FGF12: variants seen among roughly 807,000 people sequenced by gnomAD.
FGF12 encodes the protein fibroblast growth factor 12, also known as fibroblast growth factor 12B.
A neutral mutation model predicts 23.6 loss-of-function variants in FGF12; 14 were observed. The ratio of observed to expected loss-of-function variants is 0.59; its 90% CI spans 0.39 to 0.93. The LOEUF (loss-of-function observed/expected upper bound fraction) is 0.93, where lower values mean the gene tolerates loss of function less well. Among genes scored for constraint, FGF12 ranks in the 40% least tolerant of loss-of-function variants. The pLI is 0.00. For missense variants in FGF12, 175 were observed against 217.8 expected (o/e 0.80, Z 1.24); for synonymous variants, 62 against 77.3 (o/e 0.80, Z 1.04).
intron 4 of FGF12, among the ~76,000 whole-genome samples, chr3:192,299,852 A>C (rs970369297): frequency 2.8e-4 from 43 of 152,176 alleles, no homozygotes; most frequent in African/African-American, 1.0e-3. Flanking sequence ...CATTGAACTC[A>C]AGTCTTCCCG....
chr3:192,690,731 T>C (rs933410424), intron 2 of FGF12, among the ~76,000 whole-genome samples: 7 of 151,994 alleles, frequency 4.6e-5, no homozygotes, highest in African/African-American at 1.2e-4. Flanking sequence ...GTAAGTGGAC[T>C]ACATTTGTCA....
chr3:192,673,011 G>A (rs1717186817), intron 2 of FGF12: 1 of 151,204 alleles, frequency 6.6e-6, no homozygotes, highest in East Asian at 1.9e-4. Flanking sequence ...ATCACTTCAA[G>A]TTGGAGGCTT....
At chr3:192,348,649 G>A (rs1480053549) in intron 3 of FGF12, among the ~76,000 whole-genome samples, 1 of 152,028 alleles carries the variant, frequency 6.6e-6, no homozygotes, top group Non-Finnish European at 1.5e-5. Flanking sequence ...TTAAGAGATT[G>A]TTTATTATAC....
Position 192,469,357 on chromosome 3 carries a change from T to C in FGF12, c.14-108819A>G, listed in dbSNP as rs141983388. On this transcript the variant is annotated intron_variant, in intron 2 of 5. Transcript: ENST00000445105. Reference sequence around the variant, plus strand: ...TTGCTAACACCTGCATGTACACACCTGTATTTCTCTCTGTATGTCTATCTA... The same window carrying C: ...TTGCTAACACCTGCATGTACACACCCGTATTTCTCTCTGTATGTCTATCTA... Among the ~76,000 whole-genome samples the C allele has an allele frequency of 3.8e-3, 578 of 152,358 alleles. 4 individuals are homozygous for C. The highest frequency in any genetic ancestry group is 5.9e-3 in the Non-Finnish European group (400 of 68,034).
At chr3:192,210,315 T>C (rs1448976803) in intron 4 of FGF12, among the ~76,000 whole-genome samples, 1 of 152,070 alleles carries the variant, frequency 6.6e-6, no homozygotes, top group Non-Finnish European at 1.5e-5. Flanking sequence ...AAGTCAGTAA[T>C]TTAGACGAAT....
chr3:192,572,432 A>G (rs952303541), intron 2 of FGF12, among the ~76,000 whole-genome samples: 1 of 152,212 alleles, frequency 6.6e-6, no homozygotes, highest in Admixed American at 6.5e-5. Context: ...CAGGTGATTT[A>G]AAAGAGAACA....
intron 2 of FGF12, among the ~76,000 whole-genome samples, chr3:192,389,636 A>C (rs1306734785): frequency 6.6e-6 from 1 of 152,224 alleles, no homozygotes; most frequent in African/African-American, 2.4e-5. Context: ...ATTATTTTAA[A>C]ATCTTTATTT....
intron 4 of FGF12, among the ~76,000 whole-genome samples, chr3:192,197,750 G>T (rs888525113): frequency 6.6e-5 from 10 of 152,022 alleles, no homozygotes; most frequent in African/African-American, 2.4e-4. Context: ...TTTGAGACCA[G>T]CCTGACCAAC....
chr3:192,617,463 G>A (rs1714802867), intron 2 of FGF12, among the ~76,000 whole-genome samples: 1 of 152,014 alleles, frequency 6.6e-6, no homozygotes. Flanking sequence ...CACTTTCTGT[G>A]CAGAACCTTC....
intron 2 of FGF12, among the ~76,000 whole-genome samples, chr3:192,392,628 GAGAGAGGA>G (rs1720353694): frequency 8.9e-6 from 1 of 112,570 alleles, no homozygotes; most frequent in African/African-American, 3.6e-5. Flanking sequence ...GAGAGAGAGA[GAGAGAGGA>G]AGGGAGGGAG....
At chr3:192,593,918 T>C (rs1428350805) in intron 2 of FGF12, among the ~76,000 whole-genome samples, 1 of 151,952 alleles carries the variant, frequency 6.6e-6, no homozygotes, top group Non-Finnish European at 1.5e-5. Context: ...AATATTGTAA[T>C]AAGGATTTAA....
rs1465371817 is a variant in FGF12, at chr3:192,727,481, T to A, written c.-131+3A>T. On this transcript the variant is annotated splice_donor_region_variant and intron_variant, in intron 1 of 5. Coordinates refer to ENST00000445105, the MANE Select transcript of FGF12 (RefSeq NM_004113.6). Reference sequence around the variant, plus strand: ...GCTCAGATTTTTTTTTTTTTTTTTTTACCTGGGTCTGGAAGCTGCAGGCAG... The same window carrying A: ...GCTCAGATTTTTTTTTTTTTTTTTTAACCTGGGTCTGGAAGCTGCAGGCAG... 5 of 672,936 alleles carry A rather than the reference T, an allele frequency of 7.4e-6. No individual in the cohort carries two copies. Among genetic ancestry groups the A allele is most frequent in the East Asian group, 3.2e-5 (1 of 31,460 alleles). 41.7% of individuals were successfully genotyped at this position (672,936 alleles called of 1,614,324 possible).
chr3:192,363,589 C>T (rs897457208), intron 2 of FGF12, among the ~76,000 whole-genome samples: 4 of 152,078 alleles, frequency 2.6e-5, no homozygotes, highest in African/African-American at 9.7e-5. Context: ...ATACCCTGAA[C>T]ATATATAATA....
At chr3:192,381,835 G>C (rs1719827706) in intron 2 of FGF12, among the ~76,000 whole-genome samples, 1 of 152,162 alleles carries the variant, frequency 6.6e-6, no homozygotes, top group Admixed American at 6.5e-5. Flanking sequence ...CAGAGACCAA[G>C]AGTCTGGACA....
Position 192,435,924 on chromosome 3 carries a change from T to C in FGF12, c.14-75386A>G, listed in dbSNP as rs569756194. On this transcript the variant is annotated intron_variant, in intron 2 of 5. Transcript: ENST00000445105. The stretch of plus-strand genomic sequence containing the variant: ...CAGCTTTTACAATTCCCTGGCATTT[T>C]TAAAAAGAATATTTATTTTGAAGAA... Among the ~76,000 whole-genome samples the C allele has an allele frequency of 3.0e-4, 45 of 152,338 alleles. No homozygotes were observed. The East Asian group carries it at 8.7e-3, about 29-fold the overall frequency.
chr3:192,248,879 C>T lies in FGF12; in HGVS notation c.229-78223G>A, dbSNP rs943257728. On this transcript the variant is annotated intron_variant, in intron 4 of 5. Transcript: ENST00000445105. ...TAATTTGATCTATCAGAAAACCCTA[C>T]CTGCTTGATGAGCCATATTTACTAT... 2.0e-5 allele frequency among the ~76,000 whole-genome samples: 3 copies of T among 152,276 alleles called. No homozygotes were observed. The East Asian group carries it at 5.8e-4, about 29-fold the overall frequency.
At chr3:192,432,145 T>C (rs1239901742) in intron 2 of FGF12, among the ~76,000 whole-genome samples, 1 of 152,116 alleles carries the variant, frequency 6.6e-6, no homozygotes, top group Non-Finnish European at 1.5e-5. Context: ...ACACCAGTTA[T>C]GTCCCAGGAG....
chr3:192,519,278 C>T (rs1326499975), intron 2 of FGF12, among the ~76,000 whole-genome samples: 1 of 152,206 alleles, frequency 6.6e-6, no homozygotes, highest in Non-Finnish European at 1.5e-5. Context: ...GTCCCTCAGT[C>T]TCCCTGTCTT....
intron 4 of FGF12, among the ~76,000 whole-genome samples, chr3:192,205,781 T>C (rs1278617471): frequency 2.0e-5 from 3 of 152,122 alleles, no homozygotes; most frequent in African/African-American, 7.2e-5. Flanking sequence ...GAGGAGGCCT[T>C]GAAGTGGTGT....
Sources: allele counts gnomAD v4.1 joint callset (sites outside exome capture counted in the v4.1 genomes callset), GRCh38; gene constraint gnomAD v4.1.1; transcripts MANE v1.5; gene names NCBI Gene and HGNC (gene_info 2026-07-23, HGNC 2026-07-21).